The following IYD variants were observed in gnomAD, a reference collection of about 807,000 sequenced individuals.
The protein encoded by IYD is iodotyrosine deiodinase 1.
A neutral mutation model predicts 28.4 loss-of-function variants in IYD; 25 were observed. That is an observed-to-expected ratio of 0.88 (90% CI 0.64 to 1.23). The LOEUF (loss-of-function observed/expected upper bound fraction) is 1.23. IYD is among the 50% of genes most tolerant of loss of function. The pLI is 0.00. For synonymous variants in IYD, 140 were observed against 130.8 expected, an observed-to-expected ratio of 1.07 and a Z score of -0.48; for missense variants, 352 against 357.9, an observed-to-expected ratio of 0.98 and a Z score of 0.13.
At chr6:150,369,335 G>A in intron 1 of IYD, 126 bp downstream of exon 1, 1 of 887,816 alleles carries the variant, frequency 1.1e-6, no homozygotes, top group Non-Finnish European at 1.8e-6. Context: ...AACCTCTATT[G>A]TGCTAATGAA....
intron 1 of IYD, among the ~76,000 whole-genome samples, chr6:150,380,760 T>C (rs1263236457): frequency 1.3e-5 from 2 of 152,206 alleles, no homozygotes; most frequent in Non-Finnish European, 2.9e-5. Flanking sequence ...TTTCTGTTTG[T>C]TTCTTTGGTC....
At chr6:150,381,996 T>C (rs1234920056) in intron 1 of IYD, among the ~76,000 whole-genome samples, 1 of 152,214 alleles carries the variant, frequency 6.6e-6, no homozygotes, top group Non-Finnish European at 1.5e-5. Context: ...GTGCAAGCAA[T>C]TGCAGAGTCA....
chr6:150,389,559 TG>T lies in IYD; in HGVS notation c.370+20del, dbSNP rs1283183832. On this transcript the variant is annotated intron_variant, in intron 2 of 4. Coordinates refer to ENST00000344419, the MANE Select transcript of IYD (RefSeq NM_203395.3). Reference sequence around the variant, plus strand: ...AGAACGGCAGGTTTGTAATTGCAGATGGGGTCTTTGGAAATGTTAGTCACCT... The same window carrying T: ...AGAACGGCAGGTTTGTAATTGCAGATGGGTCTTTGGAAATGTTAGTCACCT... 1 of 1,608,642 alleles carries T rather than the reference TG, an allele frequency of 6.2e-7. No homozygotes were observed. Among genetic ancestry groups the T allele is most frequent in the African/African-American group, 1.3e-5 (1 of 74,814 alleles).
intron 1 of IYD, among the ~76,000 whole-genome samples, chr6:150,378,111 G>A (rs1444347017): frequency 1.3e-5 from 2 of 152,122 alleles, no homozygotes; most frequent in Non-Finnish European, 2.9e-5. Context: ...ATTCCACCTG[G>A]AGAATGGCCA....
intron 2 of IYD, among the ~76,000 whole-genome samples, chr6:150,390,454 T>C (rs1470673668): frequency 6.6e-6 from 1 of 152,202 alleles, no homozygotes; most frequent in African/African-American, 2.4e-5. Flanking sequence ...AAATATTTAG[T>C]AAACAAATAA....
chr6:150,375,281 G>T (rs1357689910), intron 1 of IYD, among the ~76,000 whole-genome samples: 2 of 152,154 alleles, frequency 1.3e-5, no homozygotes, highest in Admixed American at 6.5e-5. Context: ...GAGTTTTGGG[G>T]TGGGCCAAAG....
rs1556882 is a variant in IYD, at chr6:150,395,313, G to A, written c.687+1058G>A. The A allele has an allele frequency of 0.077, 69,712 of 907,762 alleles. 6,452 individuals carry two copies. The highest frequency in any genetic ancestry group is 0.41 in the African/African-American group (23,376 of 57,250). The allele number at this position is 907,762 out of a possible 1,614,324, so 56.2% of individuals were successfully genotyped here. On this transcript the variant is annotated intron_variant, in intron 4 of 4. Coordinates refer to ENST00000344419, the MANE Select transcript of IYD (RefSeq NM_203395.3). ...GAGAGACAATGGATTAAAAAAAAAA[G>A]AGAGCTTCTTCACTATCTCAAAGAA...
intron 4 of IYD, chr6:150,395,306 A>G: frequency 1.1e-6 from 1 of 912,036 alleles, no homozygotes; most frequent in Non-Finnish European, 1.6e-6. Context: ...ATGGATTAAA[A>G]AAAAAAGAGA....
rs1375559789 is a variant in IYD, at chr6:150,405,796, C to G, written c.*7559C>G. 1.3e-5 allele frequency: 2 copies of G among 152,170 alleles called. No homozygotes were observed. The highest frequency in any genetic ancestry group is 6.5e-5 in the Admixed American group (1 of 15,280). 9.4% of individuals were successfully genotyped at this position (152,170 alleles called of 1,614,324 possible). ...AGATTTGGGTGAAGACATAGCCAAACCATATCATCATCTTAAATTTCTGTG... is the reference window on the plus strand; with the variant it reads ...AGATTTGGGTGAAGACATAGCCAAAGCATATCATCATCTTAAATTTCTGTG... On this transcript the variant is annotated 3_prime_UTR_variant, in exon 5 of 5. Coordinates refer to ENST00000344419, the MANE Select transcript of IYD (RefSeq NM_203395.3).
Position 150,398,161 on chromosome 6 carries a change from T to A in IYD, c.794T>A (p.Val265Glu). The A allele has an allele frequency of 1.9e-6, 3 of 1,614,208 alleles. No homozygotes were observed. Among genetic ancestry groups the A allele is most frequent in the Non-Finnish European group, 2.5e-6 (3 of 1,180,036 alleles). Reference protein sequence around the residue: ...AHEKLLMLLPVGYPSKEATVP... With the variant: ...AHEKLLMLLPEGYPSKEATVP... ...GAAAAGCTGCTGATGCTGCTCCCCG[T>A]GGGGTACCCCAGCAAGGAGGCCACG... The change falls in exon 5 of 5, where the codon GTG (valine) becomes GAG (glutamate). Residue 265 changes from valine to glutamate, a missense_variant. Physicochemically the swap from Val to Glu is moderately radical, Grantham distance 121. Transcript: ENST00000344419.
At position 150,405,255 on chromosome 6, in the gene IYD, C is replaced by T. The variant is rs1310863189; in HGVS notation, c.*7018C>T. 6.6e-6 allele frequency: 1 copy of T among 152,232 alleles called. No individual in the cohort carries two copies. The highest frequency in any genetic ancestry group is 2.4e-5 in the African/African-American group (1 of 41,428). 9.4% of individuals were successfully genotyped at this position (152,232 alleles called of 1,614,324 possible). ...TCTAGACCTTCAGCCTTGACCTTGC[C>T]CTGAAACGCCAAACTCTTACTCCCA... On this transcript the variant is annotated 3_prime_UTR_variant, in exon 5 of 5. Transcript: ENST00000344419.
chr6:150,383,182 G>A (rs1355421878), intron 1 of IYD, among the ~76,000 whole-genome samples: 3 of 152,176 alleles, frequency 2.0e-5, no homozygotes, highest in Non-Finnish European at 2.9e-5. Context: ...TCACTCAGAT[G>A]ATATTATCTT....
intron 1 of IYD, among the ~76,000 whole-genome samples, chr6:150,377,727 T>C (rs1025132917): frequency 2.0e-5 from 3 of 152,216 alleles, no homozygotes; most frequent in African/African-American, 7.2e-5. Flanking sequence ...TAACTTACCT[T>C]TCAAAGAGTT....
intron 1 of IYD, among the ~76,000 whole-genome samples, chr6:150,382,945 C>A (rs929312126): frequency 2.6e-5 from 4 of 152,104 alleles, no homozygotes; most frequent in African/African-American, 9.7e-5. Context: ...GTTTCTGATG[C>A]CCATAGTTTT....
At chr6:150,390,305 CCTAA>C (rs1450574260) in intron 2 of IYD, among the ~76,000 whole-genome samples, 9 of 152,144 alleles carry the variant, frequency 5.9e-5, no homozygotes, top group African/African-American at 1.9e-4. Flanking sequence ...GAGTCCTTAG[CCTAA>C]CTAACAGCAG....
chr6:150,377,888 A>G (rs1473889358), intron 1 of IYD, among the ~76,000 whole-genome samples: 4 of 152,204 alleles, frequency 2.6e-5, no homozygotes, highest in African/African-American at 7.2e-5. Context: ...GACGTTCATG[A>G]CATTGGCATT....
intron 4 of IYD, chr6:150,395,735 C>T: frequency 1.4e-6 from 1 of 705,876 alleles, no homozygotes; most frequent in Non-Finnish European, 2.6e-6. Flanking sequence ...GCGCGCCATG[C>T]ATGTCTTGTA....
intron 1 of IYD, among the ~76,000 whole-genome samples, chr6:150,369,611 G>A (rs962209363): frequency 6.6e-6 from 1 of 152,292 alleles, no homozygotes; most frequent in South Asian, 2.1e-4. Context: ...ACCTTTCCCT[G>A]TGCCAGGCCC....
chr6:150,385,301 A>T (rs1164119468), intron 1 of IYD, among the ~76,000 whole-genome samples: 1 of 152,150 alleles, frequency 6.6e-6, no homozygotes, highest in Non-Finnish European at 1.5e-5. Flanking sequence ...TCAATCACTG[A>T]TGGAAGGGTT....
Sources: gnomAD v4.1 joint callset for allele counts (sites outside exome capture counted in the v4.1 genomes callset) on GRCh38, gnomAD v4.1.1 for gene constraint, MANE v1.5 for transcripts, NCBI Gene and HGNC (gene_info 2026-07-23, HGNC 2026-07-21) for gene names.